Variants in NLGN1 observed in about 807,000 individuals in gnomAD.
NLGN1 encodes neuroligin 1, also known as neuroligin-1.
Under a neutral mutation model 65.5 loss-of-function variants are expected in NLGN1, and 12 were observed. The observed-to-expected ratio is 0.18, with a 90% CI of 0.12 to 0.30. The LOEUF (loss-of-function observed/expected upper bound fraction) is 0.30. NLGN1 is among the 10% of genes least tolerant of loss of function. NLGN1 has a pLI of 1.00. For missense variants in NLGN1, 750 were observed against 1,007.1 expected, an observed-to-expected ratio of 0.74 and a Z score of 3.46; for synonymous variants, 350 against 359.5, an observed-to-expected ratio of 0.97 and a Z score of 0.30.
chr3:173,458,059 G>A (rs1186271049), intron 2 of NLGN1, among the ~76,000 whole-genome samples: 1 of 152,002 alleles, frequency 6.6e-6, no homozygotes, highest in Non-Finnish European at 1.5e-5. Context: ...ACATTTGGAT[G>A]TCATTGTGAT....
chr3:173,549,135 CATT>C (rs1740420106), intron 2 of NLGN1, among the ~76,000 whole-genome samples: 1 of 152,044 alleles, frequency 6.6e-6, no homozygotes. Flanking sequence ...TGTTCACCAT[CATT>C]GTGGATTGAA....
At chr3:173,403,975 A>G (rs536357509) in intron 1 of NLGN1, among the ~76,000 whole-genome samples, 3 of 152,270 alleles carry the variant, frequency 2.0e-5, no homozygotes, top group East Asian at 3.9e-4. Flanking sequence ...AGCAATAGGT[A>G]CAATATGGTG....
intron 4 of NLGN1, among the ~76,000 whole-genome samples, chr3:173,827,629 A>ATGTG (rs59670610): frequency 0.022 from 3,178 of 146,940 alleles, 101 homozygotes; most frequent in East Asian, 0.13. Context: ...TATTTATGAT[A>ATGTG]TGTGTGTGTG....
At chr3:173,867,682 T>C (rs1340711877) in intron 4 of NLGN1, among the ~76,000 whole-genome samples, 1 of 152,112 alleles carries the variant, frequency 6.6e-6, no homozygotes, top group Non-Finnish European at 1.5e-5. Flanking sequence ...TTATCATTAT[T>C]ATATGATAGT....
Position 174,273,068 on chromosome 3 carries a change from A to G in NLGN1, c.647-2247A>G, listed in dbSNP as rs79303755. Among the ~76,000 whole-genome samples, 70 of 151,576 alleles carry G rather than the reference A, an allele frequency of 4.6e-4. No homozygotes were observed. The East Asian group carries it at 0.012, about 27-fold the overall frequency. On this transcript the variant is annotated intron_variant, in intron 4 of 6. Coordinates refer to ENST00000457714, the Ensembl canonical transcript of NLGN1. The stretch of plus-strand genomic sequence containing the variant: ...CTATTTGACTAAAGAGTGCATCTAT[A>G]ACTGGAATTACAGTGGGGATACAAT...
chr3:173,871,967 G>A (rs2150873049), intron 4 of NLGN1, among the ~76,000 whole-genome samples: 1 of 152,272 alleles, frequency 6.6e-6, no homozygotes, highest in East Asian at 1.9e-4. Context: ...GAGTTAGCTG[G>A]AATTCACAAG....
intron 3 of NLGN1, among the ~76,000 whole-genome samples, chr3:173,617,866 T>C (rs1274163760): frequency 6.6e-6 from 1 of 152,178 alleles, no homozygotes; most frequent in Non-Finnish European, 1.5e-5. Flanking sequence ...TATTTTAATC[T>C]TTTTCTTCTT....
At chr3:173,820,578 T>C (rs1487005911) in intron 4 of NLGN1, among the ~76,000 whole-genome samples, 1 of 152,202 alleles carries the variant, frequency 6.6e-6, no homozygotes, top group East Asian at 1.9e-4. Context: ...TATGTACCTA[T>C]GATAAAGTTT....
intron 3 of NLGN1, among the ~76,000 whole-genome samples, chr3:173,696,994 GC>G (rs1437124638): frequency 1.3e-5 from 2 of 152,138 alleles, no homozygotes; most frequent in African/African-American, 4.8e-5. Context: ...GTCTGATAGA[GC>G]CATAGAGCAA....
chr3:174,152,634 T>C (rs1724601187), intron 4 of NLGN1, among the ~76,000 whole-genome samples: 1 of 151,860 alleles, frequency 6.6e-6, no homozygotes, highest in Non-Finnish European at 1.5e-5. Context: ...ACCCTAGAAC[T>C]TAAAGTATAA....
At chr3:174,118,294 G>A (rs1716980791) in intron 4 of NLGN1, among the ~76,000 whole-genome samples, 1 of 152,062 alleles carries the variant, frequency 6.6e-6, no homozygotes. Context: ...ATCTATGCCT[G>A]CTTCAGCGTC....
At chr3:173,435,552 A>G (rs1165237160) in intron 2 of NLGN1, among the ~76,000 whole-genome samples, 1 of 152,164 alleles carries the variant, frequency 6.6e-6, no homozygotes, top group African/African-American at 2.4e-5. Flanking sequence ...AAAAAAATGT[A>G]GGCTGGGTGC....
intron 3 of NLGN1, among the ~76,000 whole-genome samples, chr3:173,634,303 TC>T (rs1388076067): frequency 6.6e-6 from 1 of 152,050 alleles, no homozygotes; most frequent in Non-Finnish European, 1.5e-5. Context: ...GAGTATTACA[TC>T]CCCTATAAAA....
At chr3:174,265,385 C>T (rs1485461204) in intron 4 of NLGN1, among the ~76,000 whole-genome samples, 1 of 152,074 alleles carries the variant, frequency 6.6e-6, no homozygotes, top group African/African-American at 2.4e-5. Flanking sequence ...TCTTGTGGTG[C>T]GCCGTTTTTT....
At chr3:173,563,907 A>T (rs1455738577) in intron 2 of NLGN1, among the ~76,000 whole-genome samples, 1 of 152,228 alleles carries the variant, frequency 6.6e-6, no homozygotes, top group Non-Finnish European at 1.5e-5. Context: ...TTTTTACAAA[A>T]TAAAATGTAT....
At chr3:174,106,420 GGT>G (rs1284089243) in intron 4 of NLGN1, among the ~76,000 whole-genome samples, 3 of 151,950 alleles carry the variant, frequency 2.0e-5, no homozygotes. Flanking sequence ...AACCACCCAT[GGT>G]CAGGCTTCCT....
intron 4 of NLGN1, among the ~76,000 whole-genome samples, chr3:174,055,347 C>G (rs1735830576): frequency 6.6e-6 from 1 of 151,704 alleles, no homozygotes; most frequent in Non-Finnish European, 1.5e-5. Flanking sequence ...AATTTTGAAC[C>G]AACGTTGGAA....
intron 2 of NLGN1, among the ~76,000 whole-genome samples, chr3:173,470,550 T>C (rs1318867323): frequency 6.6e-6 from 1 of 152,106 alleles, no homozygotes; most frequent in Non-Finnish European, 1.5e-5. Context: ...TTGTTAGCCA[T>C]GTGAATGTGA....
At chr3:173,627,098 A>G (rs1346712653) in intron 3 of NLGN1, among the ~76,000 whole-genome samples, 5 of 152,012 alleles carry the variant, frequency 3.3e-5, no homozygotes, top group Non-Finnish European at 7.4e-5. Context: ...CTGATCTACC[A>G]TGGGTTTTTT....
Sources: gnomAD v4.1 joint callset for allele counts (sites outside exome capture counted in the v4.1 genomes callset) on GRCh38, gnomAD v4.1.1 for gene constraint, MANE v1.5 for transcripts, NCBI Gene and HGNC (gene_info 2026-07-23, HGNC 2026-07-21) for gene names.